CAPS: variants seen among roughly 807,000 people sequenced by gnomAD.
CAPS encodes calcyphosine, also known as calcyphosin.
CAPS carries 16 observed loss-of-function variants against 15.5 expected under a neutral mutation model. The observed-to-expected ratio is 1.03, with a 90% CI of 0.70 to 1.57. The LOEUF is 1.57. Among genes scored for constraint, CAPS ranks in the 40% most tolerant of loss-of-function variants. CAPS has a pLI of 0.00. For missense variants in CAPS, 294 were observed against 278.4 expected, an observed-to-expected ratio of 1.06 and a Z score of -0.40; for synonymous variants, 121 against 116.0, an observed-to-expected ratio of 1.04 and a Z score of -0.28.
rs755893520 is a variant in CAPS at position 5,914,293 on chromosome 19, G to A, written c.-39G>A. 3.1e-6 allele frequency: 5 copies of A among 1,594,920 alleles called. No homozygotes were observed. Among genetic ancestry groups the A allele is most frequent in the Non-Finnish European group, 4.3e-6 (5 of 1,171,766 alleles). On this transcript the variant is annotated 5_prime_UTR_variant, in exon 1 of 5. Coordinates refer to ENST00000588776, the MANE Select transcript of CAPS (RefSeq NM_004058.5). ...ACAAGGCCCCGCAGGCAGGACTCTG[G>A]GACAGACGCAGGCCAGGTGAGCATC...
chr19:5,914,786 C>T (rs777210281), intron 3 of CAPS, 46 bp downstream of exon 3: 7 of 1,574,958 alleles, frequency 4.4e-6, no homozygotes, highest in Middle Eastern at 2.1e-4. Context: ...GGGCATGGGG[C>T]GACAGAGGAT....
Position 5,915,127 on chromosome 19 carries a change from C to A in CAPS, c.449C>A (p.Ser150Tyr). 1.2e-6 allele frequency: 2 copies of A among 1,613,258 alleles called. No individual in the cohort carries two copies. Among genetic ancestry groups the A allele is most frequent in the Non-Finnish European group, 1.7e-6 (2 of 1,179,846 alleles). The part of the protein sequence containing the change: ...VLRRFLDNFD[S>Y]SEKDGQVTLA... ...CGCCGCTTCCTGGACAACTTCGACT[C>A]CTCTGAGAAGGACGGGCAGGTGGGT... The change falls in exon 4 of 5, where the codon TCC (serine) becomes TAC (tyrosine). Residue 150 changes from serine (S) to tyrosine (Y), a missense_variant. Ser to Tyr is a moderately radical substitution (Grantham distance 144). Coordinates refer to ENST00000588776, the MANE Select transcript of CAPS (RefSeq NM_004058.5).
In CAPS at chr19:5,914,972, C is replaced by T. The variant is rs148023615; in HGVS notation, c.294C>T (p.Ile98=). ...PPMSQAREAV[I]AAAFAKLDRS... ...TGTCCCAGGCCCGGGAGGCTGTCAT[C>T]GCAGCTGCATTTGCCAAGCTGGACC... The change falls in exon 4 of 5, where the codon ATC becomes ATT. Residue 98 remains isoleucine, a synonymous_variant. Coordinates refer to ENST00000588776, the MANE Select transcript of CAPS (RefSeq NM_004058.5). 107 of 1,608,844 alleles carry T rather than the reference C, an allele frequency of 6.7e-5. No homozygotes were observed. The highest frequency in any genetic ancestry group is 1.0e-4 in the Admixed American group (6 of 60,002).
intron 2 of CAPS, 28 bp downstream of exon 2, chr19:5,914,517 C>A: frequency 6.2e-7 from 1 of 1,605,654 alleles, no homozygotes; most frequent in Non-Finnish European, 8.5e-7. Flanking sequence ...ACCTTCCTGA[C>A]CCCGGCCCCT....
Position 5,914,939 on chromosome 19 carries a change from GCCC to G in CAPS, c.265_267del (p.Pro89del), listed in dbSNP as rs758933554. On this transcript the variant is annotated inframe_deletion and splice_region_variant, in exon 4 of 5. Coordinates refer to ENST00000588776, the MANE Select transcript of CAPS (RefSeq NM_004058.5). ...CCCCCAGTCACCACCTCCTGTCCCA[GCCC>G]CCCATGTCCCAGGCCCGGGAGGCTG... 1.5e-4 allele frequency: 244 copies of G among 1,601,908 alleles called. No individual in the cohort carries two copies. Among genetic ancestry groups the G allele is most frequent in the Middle Eastern group, 3.6e-4 (2 of 5,580 alleles).
At position 5,915,020 on chromosome 19, in the gene CAPS, G is replaced by A. The variant is rs370723916; in HGVS notation, c.342G>A (p.Thr114=). 19 of 1,612,342 alleles carry A rather than the reference G, an allele frequency of 1.2e-5. No individual in the cohort carries two copies. The highest frequency in any genetic ancestry group is 5.0e-5 in the Admixed American group (3 of 60,002). Residue 114 remains threonine (T), a synonymous_variant, in exon 4 of 5, where the codon ACG becomes ACA. Transcript: ENST00000588776. The stretch of plus-strand genomic sequence containing the variant: ...ACCGCAGTGGGGACGGCGTCGTGAC[G>A]GTGGACGACCTCCGCGGGGTGTACA... ...KLDRSGDGVV[T]VDDLRGVYSG...
Position 5,914,685 on chromosome 19 carries a change from G to A in CAPS, c.206G>A (p.Trp69Ter). Residue 69 changes from tryptophan to a stop codon, truncating the protein, a stop_gained, in exon 3 of 5, where the codon TGG (tryptophan) becomes TAG (stop). Transcript: ENST00000588776. LOFTEE classifies it high-confidence loss of function. ...GAGGCAGAGGGTGTGTGCAGGAAGT[G>A]GGACCGCAATGGCAGCGGGACGCTG... ...QAEAEGVCRKWDRNGSGTLDL... is the reference protein window; with the variant it reads ...QAEAEGVCRK 6.2e-7 allele frequency: 1 copy of A among 1,613,998 alleles called. No homozygotes were observed. Among genetic ancestry groups the A allele is most frequent in the Non-Finnish European group, 8.5e-7 (1 of 1,179,994 alleles).
chr19:5,914,692 C>T lies in CAPS; in HGVS notation c.213C>T (p.Arg71=), dbSNP rs2057715701. Residue 71 remains arginine, a synonymous_variant, in exon 3 of 5, where the codon CGC becomes CGT. Transcript: ENST00000588776. ...AGGGTGTGTGCAGGAAGTGGGACCG[C>T]AATGGCAGCGGGACGCTGGATCTGG... The part of the protein sequence containing the change: ...EAEGVCRKWD[R]NGSGTLDLEE... The T allele has an allele frequency of 6.2e-7, 1 of 1,613,878 alleles. No homozygotes were observed. Among genetic ancestry groups the T allele is most frequent in the Non-Finnish European group, 8.5e-7 (1 of 1,179,942 alleles).
Position 5,914,669 on chromosome 19 carries a change from G to C in CAPS, c.190G>C (p.Gly64Arg). ...GGTGCTGGACCAGGCGGAGGCAGAG[G>C]GTGTGTGCAGGAAGTGGGACCGCAA... ...GLVLDQAEAE[G>R]VCRKWDRNGS... The change falls in exon 3 of 5, where the codon GGT becomes CGT. Residue 64 changes from glycine (G) to arginine (R), a missense_variant. By Grantham distance (125) the Gly-to-Arg change is moderately radical (BLOSUM62 -2). Coordinates refer to ENST00000588776, the MANE Select transcript of CAPS (RefSeq NM_004058.5). 1 of 1,614,080 alleles carries C rather than the reference G, an allele frequency of 6.2e-7. No homozygotes were observed. Among genetic ancestry groups the C allele is most frequent in the Non-Finnish European group, 8.5e-7 (1 of 1,180,030 alleles).
rs2057710101 is a variant in CAPS, at chr19:5,914,265, AAC to A, written c.-63_-62del. Reference sequence around the variant, plus strand: ...CAGTCTCCCCAGGCACAACACAGCTAACACAAGGCCCCGCAGGCAGGACTCTG... The same window carrying A: ...CAGTCTCCCCAGGCACAACACAGCTAACAAGGCCCCGCAGGCAGGACTCTG... On this transcript the variant is annotated 5_prime_UTR_variant, in exon 1 of 5. Coordinates refer to ENST00000588776, the MANE Select transcript of CAPS (RefSeq NM_004058.5). 6.4e-7 allele frequency: 1 copy of A among 1,561,616 alleles called. No individual in the cohort carries two copies. Among genetic ancestry groups the A allele is most frequent in the Non-Finnish European group, 8.7e-7 (1 of 1,153,984 alleles).
rs1009496308 is a variant in CAPS at position 5,915,286 on chromosome 19, G to C, written c.534G>C (p.Glu178Asp). 1.9e-6 allele frequency: 3 copies of C among 1,612,350 alleles called. No homozygotes were observed. The highest frequency in any genetic ancestry group is 2.5e-6 in the Non-Finnish European group (3 of 1,179,818). Residue 178 changes from glutamate to aspartate, a missense_variant, in exon 5 of 5, where the codon GAG becomes GAC. Coordinates refer to ENST00000588776, the MANE Select transcript of CAPS (RefSeq NM_004058.5). Reference sequence around the variant, plus strand: ...GTGCCTCCATGAACACGGATGAGGAGTTCGTGGCCATGATGACCAGTGCCT... The same window carrying C: ...GTGCCTCCATGAACACGGATGAGGACTTCGTGGCCATGATGACCAGTGCCT... ...GVSASMNTDEEFVAMMTSAWQ... is the reference protein window; with the variant it reads ...GVSASMNTDEDFVAMMTSAWQ...
In CAPS at chr19:5,916,173, A is replaced by G. The variant is rs2144988139; in HGVS notation, c.*851A>G. On this transcript the variant is annotated 3_prime_UTR_variant, in exon 5 of 5. Transcript: ENST00000588776. ...AAAGTTTAATGTAGTTCCCAAATAC[A>G]TTTCATATGACAATCTTACATAAAT... 2 of 152,262 alleles carry G rather than the reference A, an allele frequency of 1.3e-5. No homozygotes were observed. The highest frequency in any genetic ancestry group is 1.9e-4 in the East Asian group (1 of 5,156). The allele number at this position is 152,262 out of a possible 1,614,324, so 9.4% of individuals were successfully genotyped here.
chr19:5,915,833 CAGA>C lies in CAPS; in HGVS notation c.*515_*517del, dbSNP rs1396823366. On this transcript the variant is annotated 3_prime_UTR_variant, in exon 5 of 5. Coordinates refer to ENST00000588776, the MANE Select transcript of CAPS (RefSeq NM_004058.5). The stretch of plus-strand genomic sequence containing the variant: ...AATCTGTAAAACATCAACCCCCAAT[CAGA>C]AGATGGCAAATGGGGAATAAAAATA... 6.5e-6 allele frequency: 1 copy of C among 153,690 alleles called. No homozygotes were observed. Among genetic ancestry groups the C allele is most frequent in the Non-Finnish European group, 1.4e-5 (1 of 69,282 alleles). 9.5% of individuals were successfully genotyped at this position (153,690 alleles called of 1,614,324 possible).
rs767874840 is a variant in CAPS at position 5,914,598 on chromosome 19, C to T, written c.119C>T (p.Ser40Phe). 4.3e-6 allele frequency: 7 copies of T among 1,612,802 alleles called. No individual in the cohort carries two copies. Among genetic ancestry groups the T allele is most frequent in the Admixed American group, 1.7e-5 (1 of 59,942 alleles). The change falls in exon 3 of 5, where the codon TCC becomes TTC. Residue 40 changes from serine to phenylalanine, a missense_variant. Physicochemically the swap from Ser to Phe is radical, Grantham distance 155. Coordinates refer to ENST00000588776, the MANE Select transcript of CAPS (RefSeq NM_004058.5). ...CAACTAGACCGGGACGGGAGCAGAT[C>T]CCTGGACGCTGATGAGTTCCGGCAG... The part of the protein sequence containing the change: ...FRQLDRDGSR[S>F]LDADEFRQGL...
rs1214294745 is a variant in CAPS, at chr19:5,914,291, TG to T, written c.-38del. On this transcript the variant is annotated 5_prime_UTR_variant, in exon 1 of 5. Transcript: ENST00000588776. ...ACACAAGGCCCCGCAGGCAGGACTC[TG>T]GGACAGACGCAGGCCAGGTGAGCAT... 5 of 1,593,142 alleles carry T rather than the reference TG, an allele frequency of 3.1e-6. No individual in the cohort carries two copies. The highest frequency in any genetic ancestry group is 4.3e-6 in the Non-Finnish European group (5 of 1,170,882).
Position 5,915,430 on chromosome 19 carries a change from G to A in CAPS, c.*108G>A, listed in dbSNP as rs972040658. 2.5e-6 allele frequency: 2 copies of A among 790,038 alleles called. No homozygotes were observed. Among genetic ancestry groups the A allele is most frequent in the Non-Finnish European group, 4.0e-6 (2 of 501,788 alleles). 48.9% of individuals were successfully genotyped at this position (790,038 alleles called of 1,614,324 possible). ...CTGGGCAGCCACACCACAGAGCGGGGAGGGGCAGGTGGGGGAATGGAGGCT... is the reference window on the plus strand; with the variant it reads ...CTGGGCAGCCACACCACAGAGCGGGAAGGGGCAGGTGGGGGAATGGAGGCT... On this transcript the variant is annotated 3_prime_UTR_variant, in exon 5 of 5. Coordinates refer to ENST00000588776, the MANE Select transcript of CAPS (RefSeq NM_004058.5).
At position 5,914,986 on chromosome 19, in the gene CAPS, C is replaced by T. The variant is rs1162435633; in HGVS notation, c.308C>T (p.Ala103Val). Residue 103 changes from alanine (A) to valine (V), a missense_variant, in exon 4 of 5, where the codon GCC (alanine) becomes GTC (valine). Coordinates refer to ENST00000588776, the MANE Select transcript of CAPS (RefSeq NM_004058.5). ...GAGGCTGTCATCGCAGCTGCATTTG[C>T]CAAGCTGGACCGCAGTGGGGACGGC... ...AREAVIAAAFAKLDRSGDGVV... is the reference protein window; with the variant it reads ...AREAVIAAAFVKLDRSGDGVV... The T allele has an allele frequency of 1.2e-6, 2 of 1,610,516 alleles. No homozygotes were observed. Among genetic ancestry groups the T allele is most frequent in the South Asian group, 1.1e-5 (1 of 91,048 alleles).
chr19:5,914,917 C>A, intron 3 of CAPS, 23 bp from the exon 4 acceptor site: 1 of 1,591,512 alleles, frequency 6.3e-7, no homozygotes, highest in Non-Finnish European at 8.5e-7. Flanking sequence ...CCCACCACCC[C>A]CAGTCACCAC....
Position 5,914,657 on chromosome 19 carries a change from G to A in CAPS, c.178G>A (p.Ala60Thr). ...LAKLGLVLDQ[A>T]EAEGVCRKWD... Reference sequence around the variant, plus strand: ...CAAACTCGGGCTGGTGCTGGACCAGGCGGAGGCAGAGGGTGTGTGCAGGAA... The same window carrying A: ...CAAACTCGGGCTGGTGCTGGACCAGACGGAGGCAGAGGGTGTGTGCAGGAA... The change falls in exon 3 of 5, where the codon GCG becomes ACG. Residue 60 changes from alanine (A) to threonine (T), a missense_variant. By Grantham distance (58) the Ala-to-Thr change is moderately conservative (BLOSUM62 0). Transcript: ENST00000588776. 1.9e-6 allele frequency: 3 copies of A among 1,614,048 alleles called. No individual in the cohort carries two copies. Among genetic ancestry groups the A allele is most frequent in the Non-Finnish European group, 1.7e-6 (2 of 1,179,970 alleles).
Sources: gnomAD v4.1 joint callset for allele counts on GRCh38, gnomAD v4.1.1 for gene constraint, MANE v1.5 for transcripts, NCBI Gene and HGNC (gene_info 2026-07-23, HGNC 2026-07-21) for gene names.